FAM120C: variants seen among roughly 807,000 people sequenced by gnomAD.
FAM120C encodes the protein family with sequence similarity 120 member C, also known as constitutive coactivator of PPAR-gamma-like protein 2.
A neutral mutation model predicts 71.2 loss-of-function variants in FAM120C; 14 were observed. The ratio of observed to expected loss-of-function variants is 0.20; its 90% confidence interval spans 0.13 to 0.31. The LOEUF (loss-of-function observed/expected upper bound fraction) is 0.31. Among genes scored for constraint, FAM120C ranks in the 10% least tolerant of loss-of-function variants. The pLI, the probability that FAM120C is intolerant of heterozygous loss-of-function variation, is 1.00. For synonymous variants in FAM120C, 354 were observed against 353.2 expected, an observed-to-expected ratio of 1.00 and a Z score of -0.03; for missense variants, 500 against 879.0, an observed-to-expected ratio of 0.57 and a Z score of 5.45.
At chrX:54,169,851 T>C (rs1466035666) in intron 1 of FAM120C, among the ~76,000 whole-genome samples, 1 of 112,237 alleles carries the variant, frequency 8.9e-6, no homozygotes, top group African/African-American at 3.2e-5. Context: ...ATCACTACAT[T>C]GTGGAGTTCA....
At chrX:54,112,784 T>C (rs1422065698) in intron 10 of FAM120C, among the ~76,000 whole-genome samples, 1 of 104,856 alleles carries the variant, frequency 9.5e-6, no homozygotes, top group Admixed American at 1.1e-4. Flanking sequence ...GAGCTTGCAG[T>C]GAGCCGAGAT....
At chrX:54,177,249 T>G (rs1447848007) in intron 1 of FAM120C, among the ~76,000 whole-genome samples, 1 of 111,277 alleles carries the variant, frequency 9.0e-6, no homozygotes, top group African/African-American at 3.3e-5. Flanking sequence ...CAGAGTCAGC[T>G]TCTGTTTTCA....
chrX:54,110,011 CTTTTTTT>C (rs782078837), intron 10 of FAM120C, among the ~76,000 whole-genome samples: 1 of 61,436 alleles, frequency 1.6e-5, no homozygotes, highest in African/African-American at 6.5e-5. Context: ...AGAAAAATAT[CTTTTTTT>C]TTTTTTTTTT....
Position 54,072,955 on chromosome X carries a change from C to G in FAM120C, c.*78G>C. On this transcript the variant is annotated 3_prime_UTR_variant, in exon 16 of 16. Transcript: ENST00000375180. ...GAAATCTAGGGTAAGCATTTATATC[C>G]TCCTCTAGCTTGGGCCTAAAATCAG... is the stretch of plus-strand genomic sequence containing the variant. The G allele has an allele frequency of 3.7e-6, 4 of 1,092,468 alleles. No homozygotes were observed. In the South Asian group the frequency reaches 9.3e-5, roughly 25 times the overall value. 90.0% of individuals were successfully genotyped at this position (1,092,468 alleles called of 1,213,427 possible).
intron 15 of FAM120C, among the ~76,000 whole-genome samples, chrX:54,076,469 T>C (rs1316295430): frequency 2.7e-5 from 3 of 111,522 alleles, no homozygotes; most frequent in Non-Finnish European, 5.6e-5. Flanking sequence ...CTCATACTCT[T>C]CTTTTTCTGT....
At chrX:54,134,103 C>T (rs1346454549) in intron 7 of FAM120C, 57 bp from the exon 8 acceptor site, 1 of 1,127,836 alleles carries the variant, frequency 8.9e-7, no homozygotes, top group African/African-American at 1.8e-5. Context: ...AAAGATATTC[C>T]TACTTAAGAT....
intron 10 of FAM120C, among the ~76,000 whole-genome samples, chrX:54,095,663 G>A (rs781848161): frequency 6.6e-5 from 7 of 106,799 alleles, no homozygotes; most frequent in Non-Finnish European, 1.4e-4. Flanking sequence ...TTTTTTTTTG[G>A]TTTGTTTTTT....
intron 9 of FAM120C, among the ~76,000 whole-genome samples, chrX:54,126,208 G>C (rs190136304): frequency 1.2e-3 from 138 of 111,543 alleles, no homozygotes; most frequent in African/African-American, 4.4e-3. Context: ...TCATTTTCTT[G>C]CCTTACTGGT....
At position 54,116,744 on chromosome X, in the gene FAM120C, G is replaced by C; in HGVS notation, c.2113C>G (p.Gln705Glu). Residue 705 changes from glutamine (Q) to glutamate (E), a missense_variant, in exon 10 of 16, where the codon CAA (glutamine) becomes GAA (glutamate). This residue lies in a region of FAM120C where 104 missense variants were observed against 254.5 expected (regional missense o/e 0.41). Transcript: ENST00000375180. Reference sequence around the variant, plus strand: ...AGTGCAGACACCAGCTCAGGGGTTTGAGGTGACTTCCCTTTATAGGCAGAC... The same window carrying C: ...AGTGCAGACACCAGCTCAGGGGTTTCAGGTGACTTCCCTTTATAGGCAGAC... Reference protein sequence around the residue: ...EWSAYKGKSPQTPELVSALTF... With the variant: ...EWSAYKGKSPETPELVSALTF... 8.3e-7 allele frequency: 1 copy of C among 1,211,506 alleles called. No homozygotes were observed. Among genetic ancestry groups the C allele is most frequent in the African/African-American group, 1.7e-5 (1 of 57,765 alleles).
At chrX:54,151,457 T>G in intron 3 of FAM120C, 84 bp from the exon 4 acceptor site, 4 of 979,528 alleles carry the variant, frequency 4.1e-6, no homozygotes, top group Non-Finnish European at 5.5e-6. Flanking sequence ...AGATATGGAA[T>G]TCACATTTGG....
In FAM120C at chrX:54,068,819, TAGAATA is replaced by T. The variant is rs1569531060; in HGVS notation, c.*4208_*4213del. On this transcript the variant is annotated 3_prime_UTR_variant, in exon 16 of 16. Transcript: ENST00000375180. ...TAGAATAGAATAGAATAGAATAGAATAGAATAGAATAGAATAGAATAGAATAGAAGG... is the reference window on the plus strand; with the variant it reads ...TAGAATAGAATAGAATAGAATAGAATGAATAGAATAGAATAGAATAGAAGG... The T allele has an allele frequency of 9.2e-6, 1 of 108,641 alleles. No homozygotes were observed. Among genetic ancestry groups the T allele is most frequent in the Non-Finnish European group, 1.9e-5 (1 of 52,265 alleles). 9.0% of individuals were successfully genotyped at this position (108,641 alleles called of 1,213,427 possible).
rs2066717157 is a variant in FAM120C, at chrX:54,072,891, A to C, written c.*142T>G. The C allele has an allele frequency of 1.4e-6, 1 of 703,792 alleles. No individual in the cohort carries two copies. Among genetic ancestry groups the C allele is most frequent in the Non-Finnish European group, 2.0e-6 (1 of 492,388 alleles). 58.0% of individuals were successfully genotyped at this position (703,792 alleles called of 1,213,427 possible). ...TCCCAGAAACAGGCAGGGAAGGGGAAAAGATGGACACAATAGGACATCCCA... is the reference window on the plus strand; with the variant it reads ...TCCCAGAAACAGGCAGGGAAGGGGACAAGATGGACACAATAGGACATCCCA... On this transcript the variant is annotated 3_prime_UTR_variant, in exon 16 of 16. Coordinates refer to ENST00000375180, the MANE Select transcript of FAM120C (RefSeq NM_017848.6).
At chrX:54,094,947 C>CA (rs2066843127) in intron 10 of FAM120C, among the ~76,000 whole-genome samples, 2 of 108,050 alleles carry the variant, frequency 1.9e-5, no homozygotes, top group African/African-American at 6.8e-5. Flanking sequence ...CCTGTGGTCC[C>CA]AGCTACTCAG....
At chrX:54,171,380 C>T (rs1222767842) in intron 1 of FAM120C, among the ~76,000 whole-genome samples, 1 of 112,009 alleles carries the variant, frequency 8.9e-6, no homozygotes, top group Non-Finnish European at 1.9e-5. Flanking sequence ...GCACTCCAAC[C>T]TGGGCAACAG....
intron 1 of FAM120C, among the ~76,000 whole-genome samples, chrX:54,178,468 C>CT (rs1456517382): frequency 9.0e-6 from 1 of 111,328 alleles, no homozygotes; most frequent in African/African-American, 3.3e-5. Context: ...CAATATAAAC[C>CT]TAGAACAATA....
intron 13 of FAM120C, among the ~76,000 whole-genome samples, chrX:54,081,911 G>A (rs886473955): frequency 1.8e-5 from 2 of 110,694 alleles, no homozygotes; most frequent in Non-Finnish European, 3.8e-5. Context: ...GGCAGGGCAC[G>A]GTGGCTCATG....
At chrX:54,153,861 C>T (rs782049213) in intron 3 of FAM120C, among the ~76,000 whole-genome samples, 3 of 109,461 alleles carry the variant, frequency 2.7e-5, no homozygotes, top group South Asian at 4.0e-4. Flanking sequence ...CCACCACGCC[C>T]GGCCTTTTAA....
intron 2 of FAM120C, among the ~76,000 whole-genome samples, chrX:54,158,742 C>T (rs1487986029): frequency 9.0e-5 from 10 of 111,126 alleles, no homozygotes; most frequent in Admixed American, 4.8e-4. Flanking sequence ...ACACTCCAGC[C>T]TGGGCGACAC....
rs147935871 is a variant in FAM120C, at chrX:54,103,612, C to A, written c.2313-12186G>T. 9.0e-5 allele frequency among the ~76,000 whole-genome samples: 10 copies of A among 111,474 alleles called. 1 individual carries two copies. The highest frequency in any genetic ancestry group is 3.7e-4 in the South Asian group (1 of 2,680). The stretch of plus-strand genomic sequence containing the variant: ...CATTGATTTGTGATGCTTTCTTTAG[C>A]GTATTTTAAGTTCTAACGTGTCAAG... On this transcript the variant is annotated intron_variant, in intron 10 of 15. Coordinates refer to ENST00000375180, the MANE Select transcript of FAM120C (RefSeq NM_017848.6).
Sources: allele counts gnomAD v4.1 joint callset (sites outside exome capture counted in the v4.1 genomes callset), GRCh38; gene constraint gnomAD v4.1.1; regional missense constraint gnomAD v4.1.1; transcripts MANE v1.5; gene names NCBI Gene and HGNC (gene_info 2026-07-23, HGNC 2026-07-21).